FCHSD2: variants seen among roughly 807,000 people sequenced by gnomAD.
FCHSD2 encodes FCH and double SH3 domains 2, also known as F-BAR and double SH3 domains protein 2.
A neutral mutation model predicts 108.1 loss-of-function variants in FCHSD2; 38 were observed. That is an observed-to-expected ratio of 0.35 (90% CI 0.27 to 0.46). The LOEUF (loss-of-function observed/expected upper bound fraction) is 0.46. Ranked by LOEUF, FCHSD2 falls within the 20% of genes least tolerant of loss-of-function variation. The pLI, the probability that FCHSD2 is intolerant of heterozygous loss-of-function variation, is 1.00. For synonymous variants in FCHSD2, 279 were observed against 314.7 expected (o/e 0.89, Z 1.20); for missense variants, 751 against 897.8 (o/e 0.84, Z 2.09).
In FCHSD2 at chr11:72,921,851, A is replaced by G. The variant is rs750378599; in HGVS notation, c.805T>C (p.Phe269Leu). ...ACCTTGCTGGAGTTTTCTAATAAAA[A>G]CTGGAATGTGTTCTGCACAGCTTGG... The part of the protein sequence containing the change: ...TCQAVQNTFQ[F>L]LLENSSKVVR... Residue 269 changes from phenylalanine to leucine, a missense_variant, in exon 9 of 20, where the codon TTT becomes CTT. Phe to Leu is a conservative substitution (Grantham distance 22). Coordinates refer to ENST00000409418, the MANE Select transcript of FCHSD2 (RefSeq NM_014824.3). The G allele has an allele frequency of 1.2e-6, 2 of 1,611,582 alleles. No homozygotes were observed. Among genetic ancestry groups the G allele is most frequent in the Admixed American group, 3.4e-5 (2 of 59,694 alleles).
chr11:72,974,789 C>T (rs949713880), intron 8 of FCHSD2, among the ~76,000 whole-genome samples: 2 of 151,698 alleles, frequency 1.3e-5, no homozygotes, highest in Non-Finnish European at 2.9e-5. Context: ...TGATTACTCT[C>T]TCCAAGAAAG....
chr11:72,838,584 A>G lies in FCHSD2; in HGVS notation c.*207T>C. ...CTAGGATTTGTGCTATGGTAGGAGAAATGACATAGAAAATGACAACAAAAA... is the reference window on the plus strand; with the variant it reads ...CTAGGATTTGTGCTATGGTAGGAGAGATGACATAGAAAATGACAACAAAAA... On this transcript the variant is annotated 3_prime_UTR_variant, in exon 20 of 20. Transcript: ENST00000409418. The G allele has an allele frequency of 1.7e-6, 1 of 587,226 alleles. No individual in the cohort carries two copies. The allele number at this position is 587,226 out of a possible 1,614,324, so 36.4% of individuals were successfully genotyped here. A position where few individuals can be genotyped will look rare whatever the true frequency, so the allele number is the denominator to read the frequency against.
intron 13 of FCHSD2, among the ~76,000 whole-genome samples, chr11:72,860,380 C>T (rs1861539370): frequency 6.6e-6 from 1 of 152,004 alleles, no homozygotes; most frequent in African/African-American, 2.4e-5. Flanking sequence ...TACGTTTATA[C>T]TGGGTTACAA....
intron 3 of FCHSD2, among the ~76,000 whole-genome samples, chr11:73,054,598 C>A (rs1858979012): frequency 6.7e-6 from 1 of 148,308 alleles, no homozygotes; most frequent in South Asian, 2.1e-4. Flanking sequence ...AGTATTCCAA[C>A]TACAGGAGGG....
At chr11:72,887,641 G>A (rs1191486483) in intron 11 of FCHSD2, 67 bp from the exon 12 acceptor site, 25 of 1,013,124 alleles carry the variant, frequency 2.5e-5, no homozygotes, top group Non-Finnish European at 3.6e-5. Context: ...AGTGATTAAA[G>A]TATTTACATA....
chr11:73,134,709 C>A (rs1861082207), intron 2 of FCHSD2, among the ~76,000 whole-genome samples: 1 of 152,190 alleles, frequency 6.6e-6, no homozygotes, highest in African/African-American at 2.4e-5. Flanking sequence ...TTTTAAGTGT[C>A]TTTGACTTTG....
chr11:72,886,429 G>A (rs146573248), intron 12 of FCHSD2, among the ~76,000 whole-genome samples: 3 of 151,998 alleles, frequency 2.0e-5, no homozygotes, highest in East Asian at 1.9e-4. Flanking sequence ...TGTTACACCC[G>A]CAACAATCCC....
chr11:72,944,013 A>G (rs1443384428), intron 8 of FCHSD2, among the ~76,000 whole-genome samples: 1 of 152,240 alleles, frequency 6.6e-6, no homozygotes, highest in African/African-American at 2.4e-5. Context: ...TATTCCAATG[A>G]ATAGAAAAAG....
intron 3 of FCHSD2, among the ~76,000 whole-genome samples, chr11:73,021,305 C>T (rs1008126522): frequency 6.7e-6 from 1 of 150,220 alleles, no homozygotes; most frequent in Admixed American, 6.6e-5. Flanking sequence ...ATGGAATCGA[C>T]CTAAATGGCC....
chr11:73,107,825 T>C (rs917222486), intron 2 of FCHSD2, among the ~76,000 whole-genome samples: 3 of 152,224 alleles, frequency 2.0e-5, no homozygotes, highest in African/African-American at 7.2e-5. Flanking sequence ...GTATGTACCA[T>C]GTTTTCTTTA....
rs1591509551 is a variant in FCHSD2 at position 73,045,174 on chromosome 11, T to C, written c.166-29289A>G. ...CAAAAAACACATGAAAAAATGCTCA[T>C]CATCACTGGCCATCAGAGAAATGCA... On this transcript the variant is annotated intron_variant, in intron 3 of 19. Coordinates refer to ENST00000409418, the MANE Select transcript of FCHSD2 (RefSeq NM_014824.3). 2.0e-5 allele frequency among the ~76,000 whole-genome samples: 3 copies of C among 151,692 alleles called. No homozygotes were observed. In the South Asian group the frequency reaches 6.2e-4, roughly 31 times the overall value.
chr11:72,997,542 A>G (rs1244577203), intron 5 of FCHSD2, among the ~76,000 whole-genome samples: 1 of 152,242 alleles, frequency 6.6e-6, no homozygotes, highest in African/African-American at 2.4e-5. Context: ...ACCTACAGTA[A>G]TTCAGATAGT....
intron 12 of FCHSD2, among the ~76,000 whole-genome samples, chr11:72,885,014 C>T (rs978488999): frequency 6.6e-6 from 1 of 151,886 alleles, no homozygotes; most frequent in Non-Finnish European, 1.5e-5. Context: ...AATAAAGTAT[C>T]GATAAAAACG....
chr11:72,869,591 G>A (rs1854807772), intron 12 of FCHSD2: 1 of 152,114 alleles, frequency 6.6e-6, no homozygotes, highest in Non-Finnish European at 1.5e-5. Flanking sequence ...TTGCATAGGG[G>A]CCATGCTAAT....
intron 2 of FCHSD2, among the ~76,000 whole-genome samples, chr11:73,097,064 A>G (rs977056287): frequency 2.4e-5 from 3 of 123,562 alleles, no homozygotes; most frequent in African/African-American, 9.4e-5. Flanking sequence ...GTATAGTGGC[A>G]CAATCTCAGC....
At chr11:72,948,582 T>C (rs559451820) in intron 8 of FCHSD2, among the ~76,000 whole-genome samples, 2 of 152,280 alleles carry the variant, frequency 1.3e-5, no homozygotes, top group East Asian at 3.9e-4. Flanking sequence ...ATTTACATTA[T>C]CAATAATAGA....
At chr11:72,919,144 T>C (rs1415768497) in intron 9 of FCHSD2, among the ~76,000 whole-genome samples, 1 of 152,086 alleles carries the variant, frequency 6.6e-6, no homozygotes, top group Non-Finnish European at 1.5e-5. Context: ...CTAAAAAGTG[T>C]CAAACTTCCC....
intron 13 of FCHSD2, among the ~76,000 whole-genome samples, chr11:72,852,090 C>T (rs944498347): frequency 9.2e-5 from 14 of 151,836 alleles, no homozygotes; most frequent in Admixed American, 4.6e-4. Flanking sequence ...GGTTTCACCA[C>T]GTTGCTTAGG....
chr11:72,954,885 C>T (rs1464132941), intron 8 of FCHSD2, among the ~76,000 whole-genome samples: 3 of 152,148 alleles, frequency 2.0e-5, no homozygotes, highest in South Asian at 2.1e-4. Context: ...TATACACACA[C>T]ACACACAGAT....
Sources: allele counts gnomAD v4.1 joint callset (sites outside exome capture counted in the v4.1 genomes callset), GRCh38; gene constraint gnomAD v4.1.1; transcripts MANE v1.5; gene names NCBI Gene and HGNC (gene_info 2026-07-23, HGNC 2026-07-21).